Variants in BTBD10 observed in about 807,000 individuals in gnomAD.
The protein encoded by BTBD10 is BTB/POZ domain-containing protein 10.
A neutral mutation model predicts 53.2 loss-of-function variants in BTBD10; 21 were observed. The ratio of observed to expected loss-of-function variants is 0.39; its 90% CI spans 0.28 to 0.57. BTBD10 has a LOEUF of 0.57. Ranked by LOEUF, BTBD10 falls within the 20% of genes least tolerant of loss-of-function variation. The pLI is 0.53. For missense variants in BTBD10, 360 were observed against 594.7 expected (o/e 0.61, Z 4.10); for synonymous variants, 149 against 192.7 (o/e 0.77, Z 1.88).
intron 2 of BTBD10, among the ~76,000 whole-genome samples, chr11:13,423,053 G>GA (rs1020690314): frequency 1.1e-4 from 17 of 151,984 alleles, no homozygotes; most frequent in Admixed American, 5.2e-4. Flanking sequence ...GGATTTCAAA[G>GA]AAAAAAGACA....
chr11:13,430,078 T>C (rs1950419206), intron 2 of BTBD10, among the ~76,000 whole-genome samples: 1 of 152,066 alleles, frequency 6.6e-6, no homozygotes, highest in South Asian at 2.1e-4. Context: ...TACTGCACTC[T>C]AGCCTGGGCA....
intron 2 of BTBD10, among the ~76,000 whole-genome samples, chr11:13,428,519 C>G (rs1435062222): frequency 6.6e-6 from 1 of 151,718 alleles, no homozygotes; most frequent in Non-Finnish European, 1.5e-5. Context: ...CTAAACAACT[C>G]ACAGAGCAAT....
intron 2 of BTBD10, among the ~76,000 whole-genome samples, chr11:13,436,806 G>A (rs1950550930): frequency 6.6e-6 from 1 of 151,836 alleles, no homozygotes; most frequent in Non-Finnish European, 1.5e-5. Context: ...TTTTGAGAAA[G>A]AGTCTCACTC....
At chr11:13,459,066 T>TTATTTATTTA (rs1565277547) in intron 1 of BTBD10, among the ~76,000 whole-genome samples, 2 of 148,792 alleles carry the variant, frequency 1.3e-5, no homozygotes, top group African/African-American at 5.0e-5. Flanking sequence ...TTATTTTTTT[T>TTATTTATTTA]TTTTTTTTGA....
chr11:13,394,654 T>A (rs1480904647), intron 8 of BTBD10, among the ~76,000 whole-genome samples: 3 of 152,086 alleles, frequency 2.0e-5, no homozygotes, highest in Non-Finnish European at 4.4e-5. Context: ...CATTAACTCG[T>A]CATTTAGCAT....
intron 1 of BTBD10, among the ~76,000 whole-genome samples, chr11:13,454,159 T>A (rs987629439): frequency 6.6e-6 from 1 of 152,244 alleles, no homozygotes; most frequent in Non-Finnish European, 1.5e-5. Context: ...AAGCAGTCTT[T>A]AACTTTTAGT....
At chr11:13,459,743 T>C (rs1951052692) in intron 1 of BTBD10, 1 of 152,180 alleles carries the variant, frequency 6.6e-6, no homozygotes, top group African/African-American at 2.4e-5. Context: ...AAGCCTACCA[T>C]ACAAATGAAT....
At chr11:13,391,316 C>G (rs542222024) in intron 8 of BTBD10, among the ~76,000 whole-genome samples, 1 of 152,328 alleles carries the variant, frequency 6.6e-6, no homozygotes, top group African/African-American at 2.4e-5. Context: ...TCTCAGCCTC[C>G]TGATCCCTGC....
intron 1 of BTBD10, among the ~76,000 whole-genome samples, chr11:13,453,378 T>C (rs929195045): frequency 6.6e-6 from 1 of 152,164 alleles, no homozygotes; most frequent in Non-Finnish European, 1.5e-5. Context: ...AAATATCACA[T>C]AAAATTAAAA....
At chr11:13,446,063 A>G (rs1355606289) in intron 1 of BTBD10, among the ~76,000 whole-genome samples, 1 of 152,204 alleles carries the variant, frequency 6.6e-6, no homozygotes, top group East Asian at 1.9e-4. Context: ...TTGATCTCGA[A>G]AAATGCTGAG....
intron 2 of BTBD10, among the ~76,000 whole-genome samples, chr11:13,423,445 C>T (rs142120209): frequency 7.8e-4 from 119 of 152,216 alleles, no homozygotes; most frequent in Admixed American, 2.3e-3. Context: ...GTACCTGGCA[C>T]GACATAATTA....
At chr11:13,391,005 T>C (rs1949393617) in intron 8 of BTBD10, among the ~76,000 whole-genome samples, 1 of 152,226 alleles carries the variant, frequency 6.6e-6, no homozygotes, top group African/African-American at 2.4e-5. Flanking sequence ...TCCTGGACTA[T>C]TAGAAAGACT....
chr11:13,443,492 A>C (rs1248751184), intron 2 of BTBD10, among the ~76,000 whole-genome samples: 1 of 152,102 alleles, frequency 6.6e-6, no homozygotes, highest in Non-Finnish European at 1.5e-5. Flanking sequence ...CAGCAGAAAA[A>C]CAGCAAGAAC....
chr11:13,453,277 CAAAA>C (rs956695382), intron 1 of BTBD10, among the ~76,000 whole-genome samples: 3 of 151,180 alleles, frequency 2.0e-5, no homozygotes, highest in African/African-American at 7.3e-5. Context: ...AAAACAAAAA[CAAAA>C]AAACAGAAAA....
chr11:13,443,499 G>C (rs1258139593), intron 2 of BTBD10, among the ~76,000 whole-genome samples: 1 of 151,300 alleles, frequency 6.6e-6, no homozygotes, highest in Non-Finnish European at 1.5e-5. Flanking sequence ...AAAACAGCAA[G>C]AACTAGGATG....
intron 1 of BTBD10, among the ~76,000 whole-genome samples, chr11:13,454,630 T>C (rs1175240443): frequency 3.9e-5 from 6 of 152,040 alleles, no homozygotes; most frequent in Non-Finnish European, 7.4e-5. Context: ...GACAGGAGGA[T>C]TGCTTGAACC....
chr11:13,405,424 A>C (rs1414524023), intron 7 of BTBD10: 1 of 503,078 alleles, frequency 2.0e-6, no homozygotes, highest in African/African-American at 1.9e-5. Context: ...TCTTCTGTAC[A>C]GGGACATATA....
intron 2 of BTBD10, among the ~76,000 whole-genome samples, chr11:13,444,285 A>C (rs965500007): frequency 1.3e-5 from 2 of 151,728 alleles, no homozygotes; most frequent in Non-Finnish European, 2.9e-5. Flanking sequence ...ATTTATATTC[A>C]AGTAAGTTAA....
intron 8 of BTBD10, among the ~76,000 whole-genome samples, chr11:13,399,018 G>C (rs1180160636): frequency 6.6e-6 from 1 of 152,100 alleles, no homozygotes. Flanking sequence ...ACAATTACGT[G>C]TCTTGGAGTT....
Sources: allele counts gnomAD v4.1 joint callset (sites outside exome capture counted in the v4.1 genomes callset), GRCh38; gene constraint gnomAD v4.1.1; transcripts MANE v1.5; gene names NCBI Gene and HGNC (gene_info 2026-07-23, HGNC 2026-07-21).